MARCHF1: variants seen among roughly 807,000 people sequenced by gnomAD.
MARCHF1 encodes E3 ubiquitin-protein ligase MARCHF1.
A neutral mutation model predicts 54.2 loss-of-function variants in MARCHF1; 40 were observed. The ratio of observed to expected loss-of-function variants is 0.74; its 90% CI spans 0.57 to 0.96. The LOEUF is 0.96. Ranked by LOEUF, MARCHF1 falls within the 40% of genes least tolerant of loss-of-function variation. MARCHF1 has a pLI of 0.00. For synonymous variants in MARCHF1, 236 were observed against 236.3 expected (o/e 1.00, Z 0.01); for missense variants, 586 against 656.5 (o/e 0.89, Z 1.17).
At chr4:163,548,067 T>G (rs1221254024) in intron 8 of MARCHF1, among the ~76,000 whole-genome samples, 2 of 152,230 alleles carry the variant, frequency 1.3e-5, no homozygotes, top group Non-Finnish European at 2.9e-5. Context: ...TTGAGTTTTT[T>G]CAAAACCTCA....
At chr4:163,625,238 T>A (rs1741828187) in intron 5 of MARCHF1, among the ~76,000 whole-genome samples, 1 of 152,226 alleles carries the variant, frequency 6.6e-6, no homozygotes, top group South Asian at 2.1e-4. Flanking sequence ...CATTTTTCTT[T>A]AACTGCATGG....
At chr4:163,915,234 TGAGA>T (rs139216251) in intron 3 of MARCHF1, among the ~76,000 whole-genome samples, 2,015 of 152,154 alleles carry the variant, frequency 0.013, 43 homozygotes, top group African/African-American at 0.046. Flanking sequence ...GTAGAAAGAA[TGAGA>T]GAAAGAAAAA....
intron 3 of MARCHF1, among the ~76,000 whole-genome samples, chr4:163,911,893 A>G (rs757511975): frequency 6.6e-6 from 1 of 152,140 alleles, no homozygotes; most frequent in Non-Finnish European, 1.5e-5. Flanking sequence ...CCCCAGAACT[A>G]TAAGAAAATA....
At chr4:163,686,230 T>C (rs1328426281) in intron 5 of MARCHF1, among the ~76,000 whole-genome samples, 1 of 151,970 alleles carries the variant, frequency 6.6e-6, no homozygotes, top group Admixed American at 6.5e-5. Context: ...ATTTTCCATA[T>C]CAAATAATGT....
At chr4:163,661,540 C>CA (rs1561004480) in intron 5 of MARCHF1, among the ~76,000 whole-genome samples, 1 of 151,196 alleles carries the variant, frequency 6.6e-6, no homozygotes, top group African/African-American at 2.4e-5. Context: ...TTCTTTTTTT[C>CA]AAAAAAATAC....
intron 7 of MARCHF1, among the ~76,000 whole-genome samples, chr4:163,609,161 G>A (rs751346212): frequency 1.3e-5 from 2 of 151,942 alleles, no homozygotes; most frequent in East Asian, 3.9e-4. Context: ...AACTATACAC[G>A]CCCAACTGTG....
chr4:163,612,741 T>C lies in MARCHF1; in HGVS notation c.540A>G (p.Lys180=). The C allele has an allele frequency of 2.0e-6, 3 of 1,535,566 alleles. No homozygotes were observed. The highest frequency in any genetic ancestry group is 1.7e-6 in the Non-Finnish European group (2 of 1,146,538). ...WIQAKRRAQV[K]FRLSRRRRRN... ...TCCTCCTTCTTCTTGACAGTCTGAA[T>C]TTAACCTGGGCTCTTCTTTTTGCCT... The change falls in exon 7 of 10, where the codon AAA becomes AAG. Residue 180 remains lysine, a synonymous_variant. Transcript: ENST00000514618.
intron 1 of MARCHF1, among the ~76,000 whole-genome samples, chr4:164,349,526 A>G (rs1419318247): frequency 1.3e-5 from 2 of 152,194 alleles, no homozygotes; most frequent in Non-Finnish European, 2.9e-5. Context: ...TTTTCAAAGT[A>G]CAGTACTTAT....
At chr4:163,893,260 T>C (rs13151815) in intron 3 of MARCHF1, among the ~76,000 whole-genome samples, 28,201 of 151,936 alleles carry the variant, frequency 0.19, 3,293 homozygotes, top group South Asian at 0.31. Flanking sequence ...CACCTCAGTC[T>C]CCTGAGTAGC....
intron 4 of MARCHF1, among the ~76,000 whole-genome samples, chr4:163,716,996 CTTAT>C (rs962455984): frequency 4.6e-5 from 7 of 151,360 alleles, no homozygotes; most frequent in East Asian, 3.9e-4. Context: ...ATTTTATTTA[CTTAT>C]TTATTTTTAT....
chr4:163,872,498 T>G (rs1455799164), intron 3 of MARCHF1, among the ~76,000 whole-genome samples: 1 of 152,216 alleles, frequency 6.6e-6, no homozygotes, highest in Non-Finnish European at 1.5e-5. Context: ...ATAAGTGGTG[T>G]GGTAGTAACT....
chr4:163,727,394 G>A (rs973158760), intron 4 of MARCHF1, among the ~76,000 whole-genome samples: 8 of 150,310 alleles, frequency 5.3e-5, no homozygotes, highest in Non-Finnish European at 8.9e-5. Context: ...TTCAAGCTCC[G>A]CCTCCCAGGT....
At chr4:163,946,200 A>T (rs1752022733) in intron 3 of MARCHF1, among the ~76,000 whole-genome samples, 2 of 152,120 alleles carry the variant, frequency 1.3e-5, no homozygotes, top group Non-Finnish European at 2.9e-5. Flanking sequence ...ATTTCCTCTC[A>T]ACGTCGCAAA....
intron 5 of MARCHF1, among the ~76,000 whole-genome samples, chr4:163,654,987 A>G (rs886262138): frequency 2.7e-5 from 4 of 150,894 alleles, no homozygotes; most frequent in Admixed American, 6.6e-5. Flanking sequence ...GCTTTCTACT[A>G]TCTTGTTCAA....
chr4:163,601,901 G>A (rs1267862157), intron 7 of MARCHF1, among the ~76,000 whole-genome samples: 1 of 151,328 alleles, frequency 6.6e-6, no homozygotes, highest in African/African-American at 2.4e-5. Context: ...CAATCCAATT[G>A]GTTTCAGTCA....
At chr4:163,785,039 A>T (rs1203265994) in intron 4 of MARCHF1, among the ~76,000 whole-genome samples, 1 of 152,144 alleles carries the variant, frequency 6.6e-6, no homozygotes, top group Non-Finnish European at 1.5e-5. Flanking sequence ...TATTGACTGC[A>T]GAATGGAGAA....
chr4:164,308,306 T>G (rs1734749690), intron 1 of MARCHF1, among the ~76,000 whole-genome samples: 1 of 152,214 alleles, frequency 6.6e-6, no homozygotes, highest in African/African-American at 2.4e-5. Flanking sequence ...ATACTTATAT[T>G]GAACTAAAAA....
At chr4:163,722,016 TG>T (rs1271941215) in intron 4 of MARCHF1, among the ~76,000 whole-genome samples, 1 of 152,146 alleles carries the variant, frequency 6.6e-6, no homozygotes, top group Non-Finnish European at 1.5e-5. Context: ...GGTGTTTTTG[TG>T]TTTTTATCTC....
rs985172595 is a variant in MARCHF1, at chr4:164,244,066, A to G, written c.-322-132404T>C. 9.2e-5 allele frequency among the ~76,000 whole-genome samples: 14 copies of G among 152,248 alleles called. No homozygotes were observed. The East Asian group carries it at 2.7e-3, about 29-fold the overall frequency. On this transcript the variant is annotated intron_variant, in intron 1 of 9. Coordinates refer to ENST00000514618, the MANE Select transcript of MARCHF1 (RefSeq NM_001394959.1). The stretch of plus-strand genomic sequence containing the variant: ...AGATCAACGAGACAGAAAGTTAACA[A>G]GGATATCCAGGAATTGAACTCAGCT...
Sources: gnomAD v4.1 joint callset for allele counts (sites outside exome capture counted in the v4.1 genomes callset) on GRCh38, gnomAD v4.1.1 for gene constraint, MANE v1.5 for transcripts, NCBI Gene and HGNC (gene_info 2026-07-23, HGNC 2026-07-21) for gene names.